The following MST1 variants were observed in gnomAD, a reference collection of about 807,000 sequenced individuals.
MST1 encodes the protein macrophage stimulating 1.
Under a neutral mutation model 100.1 loss-of-function variants are expected in MST1, and 76 were observed. That is an observed-to-expected ratio of 0.76 (90% CI 0.63 to 0.92). The LOEUF is 0.92. Ranked by LOEUF, MST1 falls within the 40% of genes least tolerant of loss-of-function variation. MST1 has a pLI of 0.00. For synonymous variants in MST1, 352 were observed against 385.4 expected (o/e 0.91, Z 1.01); for missense variants, 850 against 990.0 (o/e 0.86, Z 1.90).
In MST1 at chr3:49,684,808, G is replaced by A. The variant is rs752377086; in HGVS notation, c.1699C>T (p.Gln567Ter). 5.6e-6 allele frequency: 9 copies of A among 1,613,512 alleles called. No individual in the cohort carries two copies. The highest frequency in any genetic ancestry group is 2.2e-5 in the South Asian group (2 of 91,084). ...QNPQHGEPSLQRVPVAKMVCG... is the reference protein window; with the variant it reads ...QNPQHGEPSL ...ACCATCTTGGCTACTGGGACCCGCTGTAGGCTTGGCTCTCCATGCTGTGGG... is the reference window on the plus strand; with the variant it reads ...ACCATCTTGGCTACTGGGACCCGCTATAGGCTTGGCTCTCCATGCTGTGGG... Residue 567 changes from glutamine to a stop codon, truncating the protein, a stop_gained, in exon 15 of 18, where the codon CAG (glutamine) becomes TAG (stop). Coordinates refer to ENST00000449682, the MANE Select transcript of MST1 (RefSeq NM_020998.4). LOFTEE classifies it high-confidence loss of function.
rs753595482 is a variant in MST1 at position 49,687,016 on chromosome 3, G to A, written c.659C>T (p.Thr220Met). The A allele has an allele frequency of 3.7e-5, 59 of 1,611,382 alleles. No homozygotes were observed. Among genetic ancestry groups the A allele is most frequent in the Non-Finnish European group, 4.7e-5 (56 of 1,179,840 alleles). ...GCGCTGGCACTCGCGCCCTGACTCC[G>A]TGCGGTCTACCGCGCCGCGGTATTC... ...GEEYRGAVDR[T>M]ESGRECQRWD... Residue 220 changes from threonine to methionine, a missense_variant, in exon 6 of 18, where the codon ACG (threonine) becomes ATG (methionine). Thr to Met is a moderately conservative substitution (Grantham distance 81, BLOSUM62 -1). Transcript: ENST00000449682.
rs769494568 is a variant in MST1 at position 49,687,647 on chromosome 3, G to A, written c.264C>T (p.Ser88=). 84 of 1,613,420 alleles carry A rather than the reference G, an allele frequency of 5.2e-5. No individual in the cohort carries two copies. The Middle Eastern group carries it at 2.0e-3, about 38-fold the overall frequency. Residue 88 remains serine (S), a synonymous_variant, in exon 3 of 18, where the codon AGC becomes AGT. Coordinates refer to ENST00000449682, the MANE Select transcript of MST1 (RefSeq NM_020998.4). ...MDCRAFHYNV[S]SHGCQLLPWT... ...ATGGCAGCAGTTGGCAACCATGGCT[G>A]CTCACGTTGTAGTGGAAGGCCCTGG... is the stretch of plus-strand genomic sequence containing the variant.
Position 49,687,465 on chromosome 3 carries a change from G to A in MST1, c.369C>T (p.Thr123=). ...DLFQKKDYVR[T]CIMNNGVGYR... ...ACCCAACCCCATTGTTCATGATGCA[G>A]GTCCGTACGTAGTCTGGGAGCAAGA... The change falls in exon 4 of 18, where the codon ACC becomes ACT. Residue 123 remains threonine, a synonymous_variant. Coordinates refer to ENST00000449682, the MANE Select transcript of MST1 (RefSeq NM_020998.4). 1.2e-6 allele frequency: 2 copies of A among 1,613,466 alleles called. No individual in the cohort carries two copies. The highest frequency in any genetic ancestry group is 1.7e-4 in the Middle Eastern group (1 of 6,056).
Position 49,687,159 on chromosome 3 carries a change from G to A in MST1, c.597C>T (p.Ser199=). The stretch of plus-strand genomic sequence containing the variant: ...CCCGGCGCCGCTTACCCTCCCGGCA[G>A]GATTTGATGCCGCAGCTCTGGAAGC... ...AVRFQSCGIK[S]CREAACVWCN... The change falls in exon 5 of 18, where the codon TCC becomes TCT. Residue 199 remains serine, a synonymous_variant. Coordinates refer to ENST00000449682, the MANE Select transcript of MST1 (RefSeq NM_020998.4). 1 of 1,613,192 alleles carries A rather than the reference G, an allele frequency of 6.2e-7. No homozygotes were observed. Among genetic ancestry groups the A allele is most frequent in the South Asian group, 1.1e-5 (1 of 91,084 alleles).
rs776508275 is a variant in MST1, at chr3:49,685,952, G to C, written c.1158C>G (p.His386Gln). Residue 386 changes from histidine to glutamine, a missense_variant, in exon 10 of 18, where the codon CAC becomes CAG. Coordinates refer to ENST00000449682, the MANE Select transcript of MST1 (RefSeq NM_020998.4). Reference protein sequence around the residue: ...TDDVRPQDCYHGAGEQYRGTV... With the variant: ...TDDVRPQDCYQGAGEQYRGTV... Reference sequence around the variant, plus strand: ...TGCCGCGGTACTGCTCCCCTGCGCCGTGGTAGCAGTCTGTGGCGGGTGCGG... The same window carrying C: ...TGCCGCGGTACTGCTCCCCTGCGCCCTGGTAGCAGTCTGTGGCGGGTGCGG... 9.9e-6 allele frequency: 16 copies of C among 1,609,832 alleles called. No individual in the cohort carries two copies. The Admixed American group carries it at 2.7e-4, about 27-fold the overall frequency.
Position 49,685,459 on chromosome 3 carries a change from C to T in MST1, c.1423+12G>A. On this transcript the variant is annotated intron_variant, in intron 12 of 17. Transcript: ENST00000449682. ...CTAAAGGGCCTGACCCATAACTGGCCCAACTCCTAACCTGGGGGGTCCAGG... is the reference window on the plus strand; with the variant it reads ...CTAAAGGGCCTGACCCATAACTGGCTCAACTCCTAACCTGGGGGGTCCAGG... 1.2e-6 allele frequency: 2 copies of T among 1,613,706 alleles called. No individual in the cohort carries two copies. The highest frequency in any genetic ancestry group is 1.7e-6 in the Non-Finnish European group (2 of 1,179,856).
At position 49,684,858 on chromosome 3, in the gene MST1, ACCTCATAGCC is replaced by A. The variant is rs2053563683; in HGVS notation, c.1639_1648del (p.Gly547TyrfsTer22). 3.1e-6 allele frequency: 5 copies of A among 1,613,538 alleles called. No homozygotes were observed. The African/African-American group carries it at 6.7e-5, about 22-fold the overall frequency. ...GTTCTGGAACAGGGTGCCCAACCAT[ACCTCATAGCC>A]CGTGAGAGGCATATGGCTGGGAGAG... On this transcript the variant is annotated frameshift_variant, in exon 15 of 18. Coordinates refer to ENST00000449682, the MANE Select transcript of MST1 (RefSeq NM_020998.4). LOFTEE classifies it high-confidence loss of function.
chr3:49,686,978 G>T lies in MST1; in HGVS notation c.697C>A (p.His233Asn). Residue 233 changes from histidine to asparagine, a missense_variant, in exon 6 of 18, where the codon CAC becomes AAC. By Grantham distance (68) the His-to-Asn change is moderately conservative (BLOSUM62 1). Coordinates refer to ENST00000449682, the MANE Select transcript of MST1 (RefSeq NM_020998.4). The part of the protein sequence containing the change: ...GRECQRWDLQ[H>N]PHQHPFEPGK... ...GGCTCGAAGGGGTGCTGGTGCGGGT[G>T]CTGAAGATCCCAGCGCTGGCACTCG... 6.2e-7 allele frequency: 1 copy of T among 1,611,184 alleles called. No homozygotes were observed.
chr3:49,685,458 C>T lies in MST1; in HGVS notation c.1423+13G>A, dbSNP rs756295131. The T allele has an allele frequency of 2.5e-6, 4 of 1,613,732 alleles. No individual in the cohort carries two copies. The Middle Eastern group carries it at 5.0e-4, about 200-fold the overall frequency. On this transcript the variant is annotated intron_variant, in intron 12 of 17. Transcript: ENST00000449682. ...GCTAAAGGGCCTGACCCATAACTGG[C>T]CCAACTCCTAACCTGGGGGGTCCAG... is the stretch of plus-strand genomic sequence containing the variant.
chr3:49,688,825 C>G lies in MST1; in HGVS notation c.-134G>C. 7 of 656,796 alleles carry G rather than the reference C, an allele frequency of 1.1e-5. No homozygotes were observed. The highest frequency in any genetic ancestry group is 1.9e-5 in the South Asian group (1 of 51,284). The allele number at this position is 656,796 out of a possible 1,614,324, so 40.7% of individuals were successfully genotyped here. A position where few individuals can be genotyped will look rare whatever the true frequency, so the allele number is the denominator to read the frequency against. On this transcript the variant is annotated 5_prime_UTR_variant, in exon 1 of 18. Coordinates refer to ENST00000449682, the MANE Select transcript of MST1 (RefSeq NM_020998.4). ...GGGCCAGGCCTCAGGTCCCATAGGT[C>G]AGTTGCAAGGGCCTAGTACAGCTTA...
rs773690573 is a variant in MST1, at chr3:49,686,976, G to A, written c.699C>T (p.His233=). 10 of 1,611,090 alleles carry A rather than the reference G, an allele frequency of 6.2e-6. No homozygotes were observed. The South Asian group carries it at 1.1e-4, about 18-fold the overall frequency. Residue 233 remains histidine, a synonymous_variant, in exon 6 of 18, where the codon CAC becomes CAT. Coordinates refer to ENST00000449682, the MANE Select transcript of MST1 (RefSeq NM_020998.4). ...CCGGCTCGAAGGGGTGCTGGTGCGG[G>A]TGCTGAAGATCCCAGCGCTGGCACT... ...GRECQRWDLQ[H]PHQHPFEPGK... is the part of the protein sequence containing the mutation.
Position 49,686,337 on chromosome 3 carries a change from A to G in MST1, c.992T>C (p.Phe331Ser). Residue 331 changes from phenylalanine to serine, a missense_variant, in exon 8 of 18, where the codon TTT becomes TCT. By Grantham distance (155) the Phe-to-Ser change is radical (BLOSUM62 -2). This residue lies in a region of MST1 where 816 missense variants were observed against 924.6 expected (regional missense o/e 0.88). Coordinates refer to ENST00000449682, the MANE Select transcript of MST1 (RefSeq NM_020998.4). The stretch of plus-strand genomic sequence containing the variant: ...CTTGCACGCGTATTTTTCTGGCGTA[A>G]ATCGGTGCTGATGCGGGATTTGCGC... ...WDAQIPHQHR[F>S]TPEKYACKDL... 2.0e-6 allele frequency: 3 copies of G among 1,529,496 alleles called. No homozygotes were observed. The highest frequency in any genetic ancestry group is 2.6e-6 in the Non-Finnish European group (3 of 1,138,894). The allele number at this position is 1,529,496 out of a possible 1,614,324, so 94.7% of individuals were successfully genotyped here.
chr3:49,684,252 A>G, intron 17 of MST1, 62 bp downstream of exon 17: 1 of 1,609,554 alleles, frequency 6.2e-7, no homozygotes. Context: ...GCTTCATGAT[A>G]AAATAGTTCA....
Position 49,687,041 on chromosome 3 carries a change from C to A in MST1, c.634G>T (p.Glu212Ter). The A allele has an allele frequency of 6.2e-7, 1 of 1,611,952 alleles. No homozygotes were observed. The highest frequency in any genetic ancestry group is 8.5e-7 in the Non-Finnish European group (1 of 1,179,862). ...GTGCGGTCTACCGCGCCGCGGTATTCCTCGCCATTGCACCAGACACACGCG... is the reference window on the plus strand; with the variant it reads ...GTGCGGTCTACCGCGCCGCGGTATTACTCGCCATTGCACCAGACACACGCG... ...EAACVWCNGEEYRGAVDRTES... is the reference protein window; with the variant it reads ...EAACVWCNGE Residue 212 changes from glutamate (E) to a stop codon, truncating the protein, a stop_gained, in exon 6 of 18, where the codon GAA becomes TAA. Coordinates refer to ENST00000449682, the MANE Select transcript of MST1 (RefSeq NM_020998.4). LOFTEE classifies it high-confidence loss of function.
Position 49,684,454 on chromosome 3 carries a change from C to T in MST1, c.1877-1G>A. The stretch of plus-strand genomic sequence containing the variant: ...TTTAGGACTGTGTCATTACCCGTAC[C>T]TGCAGTGAGGGGAATGGGGAGAGGG... On this transcript the variant is annotated splice_acceptor_variant, in intron 16 of 17. Coordinates refer to ENST00000449682, the MANE Select transcript of MST1 (RefSeq NM_020998.4). LOFTEE classifies it high-confidence loss of function. The T allele has an allele frequency of 6.2e-7, 1 of 1,613,500 alleles. No individual in the cohort carries two copies. Among genetic ancestry groups the T allele is most frequent in the Non-Finnish European group, 8.5e-7 (1 of 1,179,838 alleles).
intron 1 of MST1, 96 bp from the exon 2 acceptor site, chr3:49,687,993 G>A: frequency 7.1e-7 from 1 of 1,415,806 alleles, no homozygotes; most frequent in South Asian, 1.4e-5. Flanking sequence ...GGGGATCAAA[G>A]CTACAAGGCT....
At position 49,687,146 on chromosome 3, in the gene MST1, T is replaced by TA; in HGVS notation, c.607+2dup. The TA allele has an allele frequency of 3.1e-6, 5 of 1,613,114 alleles. No homozygotes were observed. Among genetic ancestry groups the TA allele is most frequent in the Non-Finnish European group, 2.5e-6 (3 of 1,179,864 alleles). On this transcript the variant is annotated splice_region_variant and intron_variant, in intron 5 of 17. Transcript: ENST00000449682. Reference sequence around the variant, plus strand: ...TCTCCCAGCTTGACCCGGCGCCGCTTACCCTCCCGGCAGGATTTGATGCCG... The same window carrying TA: ...TCTCCCAGCTTGACCCGGCGCCGCTTAACCCTCCCGGCAGGATTTGATGCCG...
At chr3:49,685,229 C>T (rs1424528110) in intron 13 of MST1, 33 bp downstream of exon 13, 7 of 1,611,922 alleles carry the variant, frequency 4.3e-6, no homozygotes. Flanking sequence ...AACCTCAGCT[C>T]CTCTCTGTGG....
intron 13 of MST1, 75 bp from the exon 14 acceptor site, chr3:49,685,164 C>A: frequency 2.5e-6 from 4 of 1,596,652 alleles, no homozygotes; most frequent in Non-Finnish European, 2.6e-6. Context: ...CTGGCTAGGA[C>A]CTCTGGGGGC....
Sources: allele counts gnomAD v4.1 joint callset, GRCh38; gene constraint gnomAD v4.1.1; regional missense constraint gnomAD v4.1.1; transcripts MANE v1.5; gene names NCBI Gene and HGNC (gene_info 2026-07-23, HGNC 2026-07-21).